Variants in RIMS1 observed in about 807,000 individuals in gnomAD.
RIMS1 encodes regulating synaptic membrane exocytosis 1.
A neutral mutation model predicts 214.1 loss-of-function variants in RIMS1; 83 were observed. That is an observed-to-expected ratio of 0.39 (90% CI 0.32 to 0.47). The LOEUF is 0.47. Ranked by LOEUF, RIMS1 falls within the 20% of genes least tolerant of loss-of-function variation. RIMS1 has a pLI of 0.99. For missense variants in RIMS1, 2,050 were observed against 2,161.8 expected, an observed-to-expected ratio of 0.95 and a Z score of 1.03; for synonymous variants, 793 against 786.8, an observed-to-expected ratio of 1.01 and a Z score of -0.13.
At chr6:72,390,486 A>T in intron 29 of RIMS1, 112 bp from the exon 30 acceptor site, 1 of 1,232,556 alleles carries the variant, frequency 8.1e-7, no homozygotes, top group Non-Finnish European at 1.1e-6. Context: ...TATTTTTCTG[A>T]TTAAATTTGT....
chr6:72,234,945 A>AT (rs1198498814), intron 7 of RIMS1, among the ~76,000 whole-genome samples: 5 of 152,014 alleles, frequency 3.3e-5, no homozygotes, highest in Non-Finnish European at 7.4e-5. Context: ...TTTTGTCTGG[A>AT]TATGCCCAGT....
intron 2 of RIMS1, among the ~76,000 whole-genome samples, chr6:71,996,282 G>A (rs1176500935): frequency 6.6e-6 from 1 of 152,096 alleles, no homozygotes; most frequent in East Asian, 1.9e-4. Context: ...ATAACATGAC[G>A]TTAAGTCAAT....
intron 19 of RIMS1, chr6:72,262,495 CAT>C: frequency 2.0e-6 from 2 of 985,284 alleles, no homozygotes; most frequent in Non-Finnish European, 2.4e-6. Context: ...CAGTGCGAAA[CAT>C]ATGTCACCAG....
At chr6:71,902,898 G>C (rs1195833951) in intron 1 of RIMS1, among the ~76,000 whole-genome samples, 1 of 152,116 alleles carries the variant, frequency 6.6e-6, no homozygotes, top group Non-Finnish European at 1.5e-5. Context: ...TGGCGTATAT[G>C]TTTCACACTT....
chr6:72,289,470 G>C (rs1429787095), intron 24 of RIMS1, among the ~76,000 whole-genome samples: 1 of 152,104 alleles, frequency 6.6e-6, no homozygotes, highest in East Asian at 1.9e-4. Context: ...AACAGCCCAG[G>C]TTTCAGCGTT....
chr6:72,335,531 A>G (rs552817148), intron 29 of RIMS1, among the ~76,000 whole-genome samples: 6 of 152,166 alleles, frequency 3.9e-5, no homozygotes, highest in Non-Finnish European at 8.8e-5. Flanking sequence ...TGGAATAAAC[A>G]TACATGTGCA....
intron 17 of RIMS1, 145 bp from the exon 18 acceptor site, chr6:72,258,841 C>A: frequency 1.3e-6 from 1 of 754,630 alleles, no homozygotes; most frequent in Non-Finnish European, 2.2e-6. Context: ...ATACCCTTAA[C>A]TCATTGATAA....
chr6:72,166,016 G>T (rs904722681), intron 4 of RIMS1, among the ~76,000 whole-genome samples: 2 of 152,046 alleles, frequency 1.3e-5, no homozygotes, highest in African/African-American at 4.8e-5. Flanking sequence ...CCATAAGCTG[G>T]GTAGCTTAAA....
chr6:71,934,349 C>T (rs962339314), intron 1 of RIMS1, among the ~76,000 whole-genome samples: 3 of 152,082 alleles, frequency 2.0e-5, no homozygotes, highest in African/African-American at 7.2e-5. Flanking sequence ...ATATAGGTTG[C>T]GATGAATCAC....
intron 22 of RIMS1, among the ~76,000 whole-genome samples, chr6:72,272,031 G>T (rs1227900297): frequency 6.6e-6 from 1 of 152,206 alleles, no homozygotes; most frequent in African/African-American, 2.4e-5. Flanking sequence ...TGATACTAAA[G>T]TATGAATAAT....
At chr6:72,072,146 G>T (rs949169570) in intron 2 of RIMS1, among the ~76,000 whole-genome samples, 14 of 152,138 alleles carry the variant, frequency 9.2e-5, no homozygotes, top group Admixed American at 6.5e-5. Context: ...GGGATTTAAG[G>T]ATCAGAAGGA....
At chr6:72,278,152 A>ATCTATCT (rs1554419029) in intron 23 of RIMS1, among the ~76,000 whole-genome samples, 2,261 of 128,338 alleles carry the variant, frequency 0.018, 21 homozygotes, top group Admixed American at 0.03. Flanking sequence ...AATGGTTTTT[A>ATCTATCT]ATCTATCTAT....
intron 6 of RIMS1, among the ~76,000 whole-genome samples, chr6:72,195,580 T>C (rs1334221401): frequency 6.6e-6 from 1 of 152,092 alleles, no homozygotes; most frequent in Non-Finnish European, 1.5e-5. Context: ...TGACAATCAT[T>C]GGAGAATCGG....
At chr6:71,975,193 A>G (rs1384392) in intron 2 of RIMS1, among the ~76,000 whole-genome samples, 132,933 of 152,192 alleles carry the variant, frequency 0.87, 58,136 homozygotes, top group East Asian at 1. Context: ...AAAATAAACA[A>G]TCTATAGTGG....
intron 22 of RIMS1, among the ~76,000 whole-genome samples, chr6:72,273,718 C>A (rs545342169): frequency 6.6e-6 from 1 of 152,112 alleles, no homozygotes; most frequent in Non-Finnish European, 1.5e-5. Context: ...TTATCAGTAT[C>A]GTTTACTTAC....
chr6:72,126,951 A>G (rs1055868597), intron 4 of RIMS1, among the ~76,000 whole-genome samples: 1 of 152,164 alleles, frequency 6.6e-6, no homozygotes, highest in African/African-American at 2.4e-5. Flanking sequence ...GAAAGAAGTC[A>G]TTATGTGAAA....
chr6:72,305,940 A>G (rs561307357), intron 26 of RIMS1, among the ~76,000 whole-genome samples: 1 of 152,284 alleles, frequency 6.6e-6, no homozygotes, highest in South Asian at 2.1e-4. Context: ...CTTAGCCACA[A>G]ATTCCAAATT....
chr6:72,350,523 A>G (rs886460883), intron 29 of RIMS1, among the ~76,000 whole-genome samples: 1 of 152,148 alleles, frequency 6.6e-6, no homozygotes, highest in African/African-American at 2.4e-5. Flanking sequence ...ACAATACAGC[A>G]GGCAGCTTTT....
intron 22 of RIMS1, among the ~76,000 whole-genome samples, chr6:72,267,883 A>T (rs1213322477): frequency 6.6e-6 from 1 of 152,184 alleles, no homozygotes; most frequent in Admixed American, 6.6e-5. Flanking sequence ...TACCTTGAAT[A>T]AAAGAAGAAA....
Sources: allele counts gnomAD v4.1 joint callset (sites outside exome capture counted in the v4.1 genomes callset), GRCh38; gene constraint gnomAD v4.1.1; transcripts MANE v1.5; gene names NCBI Gene and HGNC (gene_info 2026-07-23, HGNC 2026-07-21).